The following AAGAB variants were observed in gnomAD, a reference collection of about 807,000 sequenced individuals.
AAGAB encodes the protein alpha- and gamma-adaptin-binding protein p34.
Under a neutral mutation model 44.1 loss-of-function variants are expected in AAGAB, and 38 were observed. The observed-to-expected ratio is 0.86, with a 90% confidence interval of 0.67 to 1.13. The LOEUF is 1.13. Ranked by LOEUF, AAGAB falls within the 50% of genes most tolerant of loss-of-function variation. The pLI is 0.00. For missense variants in AAGAB, 450 were observed against 373.8 expected (o/e 1.20, Z -1.68); for synonymous variants, 131 against 131.8 (o/e 0.99, Z 0.04).
At chr15:67,248,084 T>G (rs1168748165) in intron 1 of AAGAB, among the ~76,000 whole-genome samples, 1 of 152,250 alleles carries the variant, frequency 6.6e-6, no homozygotes, top group Non-Finnish European at 1.5e-5. Flanking sequence ...AATGTGGACA[T>G]GTTTTTTTTA....
intron 1 of AAGAB, among the ~76,000 whole-genome samples, chr15:67,246,928 G>C (rs1391191902): frequency 6.6e-6 from 1 of 152,194 alleles, no homozygotes. Flanking sequence ...CAACCCGTTC[G>C]GGTCCCCTTC....
At chr15:67,235,644 A>G (rs911612520) in intron 4 of AAGAB, among the ~76,000 whole-genome samples, 1 of 152,184 alleles carries the variant, frequency 6.6e-6, no homozygotes, top group African/African-American at 2.4e-5. Context: ...AAGAAACATC[A>G]ACTTTAACTA....
At chr15:67,254,401 T>G (rs1333445136) in intron 1 of AAGAB, 158 bp downstream of exon 1, 2 of 1,421,310 alleles carry the variant, frequency 1.4e-6, no homozygotes, top group Non-Finnish European at 1.8e-6. Context: ...GATTAAGAGA[T>G]AGGGGCAGCC....
At chr15:67,235,375 C>G (rs1964436722) in intron 4 of AAGAB, among the ~76,000 whole-genome samples, 1 of 152,106 alleles carries the variant, frequency 6.6e-6, no homozygotes, top group Admixed American at 6.6e-5. Context: ...ACCCTCTTAT[C>G]CTGGTAGATA....
chr15:67,251,143 GAAAAA>G (rs1252618059), intron 1 of AAGAB, among the ~76,000 whole-genome samples: 1 of 152,134 alleles, frequency 6.6e-6, no homozygotes, highest in Admixed American at 6.5e-5. Context: ...GTGACAAAAA[GAAAAA>G]GTTTCTAATG....
upstream of AAGAB, chr15:67,254,770 C>G (rs1485547938): frequency 7.5e-7 from 1 of 1,326,058 alleles, no homozygotes; most frequent in African/African-American, 1.5e-5. Flanking sequence ...CCTAGACCCC[C>G]TTCCGCTCCC....
At chr15:67,232,617 T>A in intron 4 of AAGAB, 1 of 368,608 alleles carries the variant, frequency 2.7e-6, no homozygotes, top group Non-Finnish European at 5.5e-6. Flanking sequence ...CATCTTTGAG[T>A]TCAGAACTCA....
At chr15:67,239,115 C>CTTTG (rs1964537849) in intron 1 of AAGAB, among the ~76,000 whole-genome samples, 11 of 152,222 alleles carry the variant, frequency 7.2e-5, no homozygotes, top group South Asian at 6.2e-4. Flanking sequence ...GGCAGGGGGA[C>CTTTG]TAATATTCCT....
At chr15:67,218,645 G>T (rs527616927) in intron 5 of AAGAB, among the ~76,000 whole-genome samples, 1 of 152,304 alleles carries the variant, frequency 6.6e-6, no homozygotes, top group Non-Finnish European at 1.5e-5. Flanking sequence ...AATCTCACTG[G>T]AGACCAAAGA....
At chr15:67,210,731 G>A (rs568259663) in intron 5 of AAGAB, among the ~76,000 whole-genome samples, 3 of 152,268 alleles carry the variant, frequency 2.0e-5, no homozygotes, top group Non-Finnish European at 2.9e-5. Context: ...ATTCAAGGAC[G>A]CTATCTGAGA....
intron 5 of AAGAB, among the ~76,000 whole-genome samples, chr15:67,213,187 T>G (rs1963863231): frequency 6.6e-6 from 1 of 152,208 alleles, no homozygotes; most frequent in African/African-American, 2.4e-5. Flanking sequence ...TTTAGTACTC[T>G]AGTAAGTTGA....
intron 1 of AAGAB, among the ~76,000 whole-genome samples, chr15:67,240,527 G>A (rs1202147051): frequency 6.6e-6 from 1 of 152,186 alleles, no homozygotes; most frequent in Non-Finnish European, 1.5e-5. Context: ...CCATTTCACA[G>A]CTTACAATAG....
chr15:67,211,965 C>T (rs1003639368), intron 5 of AAGAB, among the ~76,000 whole-genome samples: 1 of 152,066 alleles, frequency 6.6e-6, no homozygotes, highest in Middle Eastern at 3.2e-3. Flanking sequence ...CTGCAAGCTC[C>T]GCCTCCTGGG....
chr15:67,229,507 A>T (rs182192576), intron 5 of AAGAB, among the ~76,000 whole-genome samples: 1 of 152,128 alleles, frequency 6.6e-6, no homozygotes, highest in Non-Finnish European at 1.5e-5. Flanking sequence ...AGATCTATCT[A>T]GATTGCTACA....
intron 1 of AAGAB, among the ~76,000 whole-genome samples, chr15:67,252,162 T>G (rs902454663): frequency 1.3e-5 from 2 of 152,254 alleles, no homozygotes; most frequent in African/African-American, 4.8e-5. Flanking sequence ...ATGTTACTAT[T>G]TGCTAACTAC....
rs1404244681 is a variant in AAGAB at position 67,232,465 on chromosome 15, T to C, written c.452-568A>G. The C allele has an allele frequency of 1.9e-5, 5 of 262,978 alleles. No homozygotes were observed. The East Asian group carries it at 3.0e-4, about 16-fold the overall frequency. The allele number at this position is 262,978 out of a possible 1,614,324, so 16.3% of individuals were successfully genotyped here. On this transcript the variant is annotated intron_variant, in intron 4 of 9. Coordinates refer to ENST00000261880, the MANE Select transcript of AAGAB (RefSeq NM_024666.5). ...ACCATCATGAATGACATGGTAACTA[T>C]CCAAACTGGAAAGTTCATGACCAAC...
chr15:67,211,310 G>C (rs934684407), intron 5 of AAGAB, among the ~76,000 whole-genome samples: 4 of 152,190 alleles, frequency 2.6e-5, no homozygotes, highest in Admixed American at 2.6e-4. Flanking sequence ...CATGGTCAGA[G>C]GTTCATGTGT....
rs538140595 is a variant in AAGAB, at chr15:67,216,271, G to A, written c.536-6727C>T. 1.2e-4 allele frequency among the ~76,000 whole-genome samples: 18 copies of A among 151,538 alleles called. No individual in the cohort carries two copies. In the East Asian group the frequency reaches 2.5e-3, roughly 21 times the overall value. Reference sequence around the variant, plus strand: ...AGCGTGGCCAACGTGGTAAAACCCCGTCTCTACTAAAAATACAAAAATTAG... The same window carrying A: ...AGCGTGGCCAACGTGGTAAAACCCCATCTCTACTAAAAATACAAAAATTAG... On this transcript the variant is annotated intron_variant, in intron 5 of 9. Coordinates refer to ENST00000261880, the MANE Select transcript of AAGAB (RefSeq NM_024666.5).
intron 5 of AAGAB, among the ~76,000 whole-genome samples, chr15:67,228,347 C>A (rs201033478): frequency 6.6e-6 from 1 of 152,122 alleles, no homozygotes; most frequent in African/African-American, 2.4e-5. Context: ...AAATGCTCAA[C>A]AAGGATTTGC....
Sources: allele counts gnomAD v4.1 joint callset (sites outside exome capture counted in the v4.1 genomes callset), GRCh38; gene constraint gnomAD v4.1.1; transcripts MANE v1.5; gene names NCBI Gene and HGNC (gene_info 2026-07-23, HGNC 2026-07-21).